CHLSN: variants seen among roughly 807,000 people sequenced by gnomAD.
CHLSN encodes cholesin.
At chr7:1,103,673 T>C in the CHLSN span, among the ~76,000 whole-genome samples, 1 of 152,240 alleles carries the variant, frequency 6.6e-6, no homozygotes, top group Admixed American at 6.5e-5. Flanking sequence ...GCTTTCATTA[T>C]GATCGAGTTT....
the CHLSN span, chr7:1,009,994 A>C: frequency 6.3e-7 from 1 of 1,593,490 alleles, no homozygotes; most frequent in East Asian, 2.3e-5. Context: ...AGCGCCTGGC[A>C]GGCGGGTGCT....
chr7:1,100,856 G>A, the CHLSN span, among the ~76,000 whole-genome samples: 3 of 152,212 alleles, frequency 2.0e-5, no homozygotes, highest in Admixed American at 6.5e-5. Context: ...GGACAGCTGC[G>A]TCTACATCCA....
the CHLSN span, among the ~76,000 whole-genome samples, chr7:1,100,343 C>T: frequency 3.9e-5 from 6 of 152,360 alleles, no homozygotes; most frequent in African/African-American, 9.6e-5. Flanking sequence ...TCTTCAGGTC[C>T]GGCTGGTGAG....
At chr7:1,068,937 A>G in the CHLSN span, among the ~76,000 whole-genome samples, 1 of 152,140 alleles carries the variant, frequency 6.6e-6, no homozygotes, top group African/African-American at 2.4e-5. Context: ...CCTGTGAGGA[A>G]CCGGGGGAGG....
At chr7:1,075,780 T>C in the CHLSN span, among the ~76,000 whole-genome samples, 1 of 151,490 alleles carries the variant, frequency 6.6e-6, no homozygotes. Context: ...TCCCAGCTAA[T>C]TTTTTGTATT....
At chr7:1,065,089 G>A in the CHLSN span, among the ~76,000 whole-genome samples, 1 of 152,154 alleles carries the variant, frequency 6.6e-6, no homozygotes, top group East Asian at 1.9e-4. Flanking sequence ...GAGGCCCTGG[G>A]CAGGAGGAAA....
At chr7:983,147 G>T in the CHLSN span, 1 of 1,339,620 alleles carries the variant, frequency 7.5e-7, no homozygotes. Context: ...CTCCCGCGGA[G>T]GCCTATAAGG....
the CHLSN span, among the ~76,000 whole-genome samples, chr7:982,963 T>C: frequency 1.3e-5 from 2 of 152,120 alleles, no homozygotes; most frequent in Non-Finnish European, 2.9e-5. Context: ...CCAGGAGACA[T>C]GGATGCCTGA....
chr7:1,019,821 G>T, the CHLSN span, among the ~76,000 whole-genome samples: 1 of 152,218 alleles, frequency 6.6e-6, no homozygotes, highest in Non-Finnish European at 1.5e-5. Flanking sequence ...GCTGCCTGGG[G>T]TCACCCACTC....
At chr7:1,084,148 C>T in the CHLSN span, among the ~76,000 whole-genome samples, 2 of 152,248 alleles carry the variant, frequency 1.3e-5, no homozygotes, top group African/African-American at 4.8e-5. Flanking sequence ...GCAAAACCCG[C>T]ACACCCCACA....
chr7:1,119,557 A>G, the CHLSN span, among the ~76,000 whole-genome samples: 1 of 152,220 alleles, frequency 6.6e-6, no homozygotes, highest in South Asian at 2.1e-4. Context: ...GTCACATATC[A>G]CAGTGCTGGC....
At chr7:1,011,953 G>T in the CHLSN span, among the ~76,000 whole-genome samples, 4 of 152,324 alleles carry the variant, frequency 2.6e-5, no homozygotes, top group South Asian at 6.2e-4. Context: ...AGGGCTCTGG[G>T]GAGCAAGATT....
the CHLSN span, among the ~76,000 whole-genome samples, chr7:1,008,281 C>T: frequency 7.2e-5 from 11 of 152,200 alleles, no homozygotes; most frequent in South Asian, 4.1e-4. Flanking sequence ...GCTGCACTAA[C>T]GGCCTCTGAA....
At chr7:1,082,960 G>T in the CHLSN span, among the ~76,000 whole-genome samples, 16 of 152,256 alleles carry the variant, frequency 1.1e-4, no homozygotes, top group Admixed American at 1.0e-3. Flanking sequence ...CCTCCCCGAG[G>T]CTCCTTGAGG....
At chr7:1,011,618 A>G in the CHLSN span, among the ~76,000 whole-genome samples, 1 of 149,672 alleles carries the variant, frequency 6.7e-6, no homozygotes, top group Non-Finnish European at 1.5e-5. Flanking sequence ...ACACGCCCAC[A>G]CCCAGATACA....
the CHLSN span, among the ~76,000 whole-genome samples, chr7:1,125,790 G>A: frequency 1.3e-5 from 2 of 152,208 alleles, no homozygotes; most frequent in African/African-American, 2.4e-5. Flanking sequence ...GCCCTTCCAC[G>A]GGGTGGTAAC....
chr7:991,114 A>C, the CHLSN span, among the ~76,000 whole-genome samples: 3 of 152,104 alleles, frequency 2.0e-5, no homozygotes, highest in East Asian at 5.8e-4. Flanking sequence ...GGGGAGCCCG[A>C]GGCCCACGTG....
the CHLSN span, among the ~76,000 whole-genome samples, chr7:993,545 T>G: frequency 6.6e-6 from 1 of 151,252 alleles, no homozygotes; most frequent in African/African-American, 2.4e-5. Context: ...GAGGCCGGGG[T>G]GGGAGGATCG....
chr7:1,135,958 A>C, the CHLSN span, among the ~76,000 whole-genome samples: 4 of 114,892 alleles, frequency 3.5e-5, no homozygotes, highest in Admixed American at 4.0e-4. Flanking sequence ...AATATATATA[A>C]ATATATATAA....
Sources: gnomAD v4.1 joint callset for allele counts (sites outside exome capture counted in the v4.1 genomes callset) on GRCh38, gnomAD v4.1.1 for gene constraint, MANE v1.5 for transcripts, NCBI Gene and HGNC (gene_info 2026-07-23, HGNC 2026-07-21) for gene names.